Variants in VNN1 observed in about 807,000 individuals in gnomAD.
VNN1 encodes vanin 1.
VNN1 carries 29 observed loss-of-function variants against 41.9 expected under a neutral mutation model. The observed-to-expected ratio is 0.69, with a 90% confidence interval of 0.52 to 0.94. The LOEUF is 0.94. Ranked by LOEUF, VNN1 falls within the 40% of genes least tolerant of loss-of-function variation. The pLI, the probability that VNN1 is intolerant of heterozygous loss-of-function variation, is 0.00. For missense variants in VNN1, 637 were observed against 621.1 expected, an observed-to-expected ratio of 1.03 and a Z score of -0.27; for synonymous variants, 233 against 224.4, an observed-to-expected ratio of 1.04 and a Z score of -0.34.
intron 2 of VNN1, among the ~76,000 whole-genome samples, chr6:132,703,775 A>T (rs1472056555): frequency 6.6e-6 from 1 of 152,160 alleles, no homozygotes; most frequent in Non-Finnish European, 1.5e-5. Context: ...TGGATAAAAA[A>T]GAAAAAAAAT....
intron 2 of VNN1, among the ~76,000 whole-genome samples, chr6:132,709,869 G>A (rs571529518): frequency 8.5e-5 from 13 of 152,226 alleles, no homozygotes; most frequent in African/African-American, 3.1e-4. Context: ...TAGTGGAAGT[G>A]ATAATAGAGT....
At chr6:132,708,410 G>T (rs1268813142) in intron 2 of VNN1, among the ~76,000 whole-genome samples, 1 of 152,040 alleles carries the variant, frequency 6.6e-6, no homozygotes, top group South Asian at 2.1e-4. Flanking sequence ...CTTCTGGAAC[G>T]ATATGACATA....
chr6:132,700,228 G>A (rs560444220), intron 2 of VNN1, among the ~76,000 whole-genome samples: 4 of 152,174 alleles, frequency 2.6e-5, no homozygotes, highest in African/African-American at 9.7e-5. Context: ...ACATATCATT[G>A]CTACAGCAGT....
chr6:132,685,541 G>C (rs554121717), intron 5 of VNN1, among the ~76,000 whole-genome samples: 1 of 152,198 alleles, frequency 6.6e-6, no homozygotes, highest in Admixed American at 6.5e-5. Flanking sequence ...GAAAATAGGA[G>C]GATAGACCAC....
At chr6:132,690,806 T>A (rs1778271647) in intron 5 of VNN1, among the ~76,000 whole-genome samples, 3 of 152,202 alleles carry the variant, frequency 2.0e-5, no homozygotes, top group Non-Finnish European at 4.4e-5. Context: ...GTTCTCAGTC[T>A]CAAATAAGTA....
intron 1 of VNN1, among the ~76,000 whole-genome samples, chr6:132,712,151 C>G (rs1401307378): frequency 7.0e-6 from 1 of 143,766 alleles, no homozygotes; most frequent in African/African-American, 2.6e-5. Context: ...TTTTTTTTCT[C>G]TCTTTTTTTT....
intron 2 of VNN1, among the ~76,000 whole-genome samples, chr6:132,700,320 T>A (rs1412480541): frequency 2.0e-5 from 3 of 151,948 alleles, no homozygotes; most frequent in Non-Finnish European, 4.4e-5. Flanking sequence ...TAAAAAAAAA[T>A]TTTCAGAGGC....
intron 1 of VNN1, among the ~76,000 whole-genome samples, chr6:132,712,103 G>A (rs1778609111): frequency 6.9e-6 from 1 of 144,942 alleles, no homozygotes; most frequent in South Asian, 2.2e-4. Flanking sequence ...GCATGGATAT[G>A]TTACATAATG....
At chr6:132,683,435 A>G (rs775307485) in intron 6 of VNN1, 113 bp from the exon 7 acceptor site, 198 of 1,109,508 alleles carry the variant, frequency 1.8e-4, no homozygotes, top group Admixed American at 2.4e-4. Flanking sequence ...GCCAAATTCC[A>G]TTCTATCAGA....
At chr6:132,693,671 T>C (rs1051444738) in intron 3 of VNN1, among the ~76,000 whole-genome samples, 5 of 152,156 alleles carry the variant, frequency 3.3e-5, no homozygotes, top group Non-Finnish European at 7.4e-5. Flanking sequence ...TGGTAAGCAG[T>C]TTTTCATTCT....
At chr6:132,696,694 C>A (rs1000244707) in intron 2 of VNN1, among the ~76,000 whole-genome samples, 3 of 150,436 alleles carry the variant, frequency 2.0e-5, no homozygotes, top group South Asian at 2.1e-4. Context: ...ATCTGACAAC[C>A]AAGAATTCTA....
chr6:132,693,870 A>G (rs1778328913), intron 3 of VNN1, 120 bp downstream of exon 3: 15 of 1,168,446 alleles, frequency 1.3e-5, no homozygotes, highest in Admixed American at 2.1e-5. Flanking sequence ...ATTACTTTCT[A>G]TGCTTTGCCC....
At chr6:132,702,020 A>T (rs1268112819) in intron 2 of VNN1, among the ~76,000 whole-genome samples, 1 of 152,242 alleles carries the variant, frequency 6.6e-6, no homozygotes, top group Non-Finnish European at 1.5e-5. Flanking sequence ...TCTACCAAGG[A>T]TCACCAATGT....
At chr6:132,684,259 G>A (rs2114329383) in intron 6 of VNN1, 76 bp downstream of exon 6, 2 of 1,400,720 alleles carry the variant, frequency 1.4e-6, no homozygotes, top group Admixed American at 2.5e-5. Context: ...ATATTTGTAA[G>A]CACTTGAGCA....
At chr6:132,687,032 C>A (rs548857885) in intron 5 of VNN1, among the ~76,000 whole-genome samples, 15 of 151,952 alleles carry the variant, frequency 9.9e-5, no homozygotes, top group African/African-American at 3.4e-4. Context: ...GAGAAAATGT[C>A]GGAAAATTAG....
intron 2 of VNN1, among the ~76,000 whole-genome samples, chr6:132,696,781 A>AGGGAG (rs1335662662): frequency 9.5e-5 from 13 of 137,384 alleles, no homozygotes; most frequent in Admixed American, 2.3e-4. Flanking sequence ...GAAAGAGAGA[A>AGGGAG]GGGAGGGGAG....
intron 5 of VNN1, among the ~76,000 whole-genome samples, chr6:132,685,268 A>G (rs73559720): frequency 0.028 from 4,239 of 152,318 alleles, 192 homozygotes; most frequent in African/African-American, 0.097. Context: ...GCAGATGAAA[A>G]GTTTCCAAAA....
chr6:132,684,453 G>A lies in VNN1; in HGVS notation c.1241C>T (p.Ser414Leu). ...KTTNLNTCGD[S>L]AETASTRFEM... ...AAACCTGGTAGAAGCTGTTTCAGCT[G>A]AGTCACCGCAAGTGTTTAAATTAGT... Residue 414 changes from serine to leucine, a missense_variant, in exon 6 of 7, where the codon TCA becomes TTA. Transcript: ENST00000367928. The A allele has an allele frequency of 6.2e-7, 1 of 1,614,102 alleles. No homozygotes were observed. The highest frequency in any genetic ancestry group is 8.5e-7 in the Non-Finnish European group (1 of 1,179,978).
chr6:132,704,060 G>A (rs1026755086), intron 2 of VNN1, among the ~76,000 whole-genome samples: 2 of 151,904 alleles, frequency 1.3e-5, no homozygotes, highest in African/African-American at 4.8e-5. Context: ...ATATATAAAG[G>A]ACATATTACT....
Sources: gnomAD v4.1 joint callset for allele counts (sites outside exome capture counted in the v4.1 genomes callset) on GRCh38, gnomAD v4.1.1 for gene constraint, MANE v1.5 for transcripts, NCBI Gene and HGNC (gene_info 2026-07-23, HGNC 2026-07-21) for gene names.